SPSB1: variants seen among roughly 807,000 people sequenced by gnomAD.
SPSB1 encodes the protein SPRY domain-containing SOCS box protein 1.
Under a neutral mutation model 21.2 loss-of-function variants are expected in SPSB1, and 8 were observed. The ratio of observed to expected loss-of-function variants is 0.38; its 90% CI spans 0.22 to 0.68. The LOEUF (loss-of-function observed/expected upper bound fraction) is 0.68. Among genes scored for constraint, SPSB1 ranks in the 30% least tolerant of loss-of-function variants. The pLI, the probability that SPSB1 is intolerant of heterozygous loss-of-function variation, is 0.53. For synonymous variants in SPSB1, 169 were observed against 161.7 expected (o/e 1.05, Z -0.34); for missense variants, 242 against 377.8 (o/e 0.64, Z 2.98).
At chr1:9,339,055 C>T (rs1173703827) in intron 1 of SPSB1, among the ~76,000 whole-genome samples, 1 of 152,164 alleles carries the variant, frequency 6.6e-6, no homozygotes, top group Non-Finnish European at 1.5e-5. Flanking sequence ...AACCAAGGGC[C>T]GCTTCCCCTT....
chr1:9,300,203 G>A (rs2100460080), intron 1 of SPSB1, among the ~76,000 whole-genome samples: 1 of 152,274 alleles, frequency 6.6e-6, no homozygotes, highest in East Asian at 1.9e-4. Context: ...AGAATAAGTT[G>A]TTACAGCTTT....
intron 1 of SPSB1, among the ~76,000 whole-genome samples, chr1:9,354,001 G>A (rs770780832): frequency 2.6e-5 from 4 of 151,972 alleles, no homozygotes; most frequent in African/African-American, 4.8e-5. Flanking sequence ...TAAGGGGGTC[G>A]GGGCACCAAG....
rs534825266 is a variant in SPSB1, at chr1:9,346,895, C to T, written c.-149-8848C>T. ...GAGAGAGACAGCCGCCCCATTTTTA[C>T]GGGGCTAATTAAAATCTGTAATTTT... On this transcript the variant is annotated intron_variant, in intron 1 of 2. Transcript: ENST00000328089. The surrounding 1 kb of genome is among the most constrained non-coding windows in gnomAD (Gnocchi z 4.4). Among the ~76,000 whole-genome samples the T allele has an allele frequency of 6.6e-5, 10 of 152,332 alleles. No individual in the cohort carries two copies. The highest frequency in any genetic ancestry group is 4.1e-4 in the South Asian group (2 of 4,828).
chr1:9,358,418 G>A (rs1640412256), intron 2 of SPSB1, among the ~76,000 whole-genome samples: 1 of 152,172 alleles, frequency 6.6e-6, no homozygotes, highest in East Asian at 1.9e-4. Flanking sequence ...CCTCCCCGGG[G>A]AAGTCACCTC....
Position 9,368,341 on chromosome 1 carries a change from G to A in SPSB1, c.*766G>A, listed in dbSNP as rs576524369. 2.0e-5 allele frequency: 3 copies of A among 152,348 alleles called. No individual in the cohort carries two copies. Among genetic ancestry groups the A allele is most frequent in the African/African-American group, 4.8e-5 (2 of 41,538 alleles). The allele number at this position is 152,348 out of a possible 1,614,324, so 9.4% of individuals were successfully genotyped here. A position where few individuals can be genotyped will look rare whatever the true frequency, so the allele number is the denominator to read the frequency against. ...GCCCTCCCTGGGCACATGTGCACAC[G>A]TGCCCAGGCACAAGTATGTCTCTGG... On this transcript the variant is annotated 3_prime_UTR_variant, in exon 3 of 3. Coordinates refer to ENST00000328089, the MANE Select transcript of SPSB1 (RefSeq NM_025106.4).
At position 9,324,384 on chromosome 1, in the gene SPSB1, C is replaced by T. The variant is rs1408419412; in HGVS notation, c.-150+31313C>T. On this transcript the variant is annotated intron_variant, in intron 1 of 2. Coordinates refer to ENST00000328089, the MANE Select transcript of SPSB1 (RefSeq NM_025106.4). This position sits in a 1 kb window ranked among gnomAD's most constrained non-coding sequence, Gnocchi z 4.3. ...TCTGCTGCGATCCTGTGGCTCAGCACGTGGTAGGTCCTCAGTGAGGCTGTG... is the reference window on the plus strand; with the variant it reads ...TCTGCTGCGATCCTGTGGCTCAGCATGTGGTAGGTCCTCAGTGAGGCTGTG... Among the ~76,000 whole-genome samples, 1 of 152,116 alleles carries T rather than the reference C, an allele frequency of 6.6e-6. No homozygotes were observed. Among genetic ancestry groups the T allele is most frequent in the Non-Finnish European group, 1.5e-5 (1 of 68,026 alleles).
chr1:9,367,968 T>G lies in SPSB1; in HGVS notation c.*393T>G. Reference sequence around the variant, plus strand: ...CCAGGGTGGTGGGGGTGGCAGGTGGTACCACAGCTCTGAGAGCAGATACCA... The same window carrying G: ...CCAGGGTGGTGGGGGTGGCAGGTGGGACCACAGCTCTGAGAGCAGATACCA... On this transcript the variant is annotated 3_prime_UTR_variant, in exon 3 of 3. Coordinates refer to ENST00000328089, the MANE Select transcript of SPSB1 (RefSeq NM_025106.4). The surrounding 1 kb of genome is among the most constrained non-coding windows in gnomAD (Gnocchi z 5.9). 5.0e-6 allele frequency: 1 copy of G among 199,036 alleles called. No homozygotes were observed. Among genetic ancestry groups the G allele is most frequent in the Non-Finnish European group, 1.0e-5 (1 of 95,880 alleles). 12.3% of individuals were successfully genotyped at this position (199,036 alleles called of 1,614,324 possible). A position where few individuals can be genotyped will look rare whatever the true frequency, so the allele number is the denominator to read the frequency against.
chr1:9,366,557 G>A, intron 2 of SPSB1, among the ~76,000 whole-genome samples: 1 of 150,822 alleles, frequency 6.6e-6, no homozygotes, highest in East Asian at 2.0e-4. Context: ...TGTCCCCTCT[G>A]TGCCTGTGTG....
chr1:9,337,896 C>T (rs759675202), intron 1 of SPSB1, among the ~76,000 whole-genome samples: 7 of 152,016 alleles, frequency 4.6e-5, no homozygotes, highest in Non-Finnish European at 7.4e-5. Context: ...CCTTTAGGGG[C>T]GGGAGGGGTA....
chr1:9,366,285 A>T (rs1217020530), intron 2 of SPSB1, among the ~76,000 whole-genome samples: 1 of 152,132 alleles, frequency 6.6e-6, no homozygotes, highest in Non-Finnish European at 1.5e-5. Flanking sequence ...CTGGGCTGGC[A>T]TTTCCAGTTT....
chr1:9,348,753 G>A lies in SPSB1; in HGVS notation c.-149-6990G>A, dbSNP rs936683014. Among the ~76,000 whole-genome samples the A allele has an allele frequency of 1.3e-5, 2 of 151,886 alleles. No individual in the cohort carries two copies. Among genetic ancestry groups the A allele is most frequent in the East Asian group, 1.9e-4 (1 of 5,172 alleles). On this transcript the variant is annotated intron_variant, in intron 1 of 2. Transcript: ENST00000328089. This position sits in a 1 kb window ranked among gnomAD's most constrained non-coding sequence, Gnocchi z 4.8. ...TGTTCGAAGCTGGCCGAGGGAGTACGGGGCTTTCAGAAGCTCATCTGCTTA... is the reference window on the plus strand; with the variant it reads ...TGTTCGAAGCTGGCCGAGGGAGTACAGGGCTTTCAGAAGCTCATCTGCTTA...
chr1:9,330,121 G>C lies in SPSB1; in HGVS notation c.-149-25622G>C, dbSNP rs190750535. Among the ~76,000 whole-genome samples, 604 of 152,262 alleles carry C rather than the reference G, an allele frequency of 4.0e-3. 14 individuals carry two copies. Among genetic ancestry groups the C allele is most frequent in the Non-Finnish European group, 8.5e-4 (58 of 68,024 alleles). On this transcript the variant is annotated intron_variant, in intron 1 of 2. Transcript: ENST00000328089. ...TCAAAGATCAGTGGCGTAAATAATT[G>C]CTAGGTGCTTGCTCATCGAGAAGAA...
intron 1 of SPSB1, among the ~76,000 whole-genome samples, chr1:9,351,207 A>C (rs538031398): frequency 6.6e-6 from 1 of 152,250 alleles, no homozygotes; most frequent in Non-Finnish European, 1.5e-5. Flanking sequence ...AGTAGTTACT[A>C]TCTGGCCCCT....
At chr1:9,326,734 C>A (rs1463088013) in intron 1 of SPSB1, among the ~76,000 whole-genome samples, 1 of 152,216 alleles carries the variant, frequency 6.6e-6, no homozygotes, top group African/African-American at 2.4e-5. Context: ...CGTCTTCCCT[C>A]CCACTGGCGG....
chr1:9,341,930 G>A (rs1038804671), intron 1 of SPSB1, among the ~76,000 whole-genome samples: 2 of 152,182 alleles, frequency 1.3e-5, no homozygotes, highest in Non-Finnish European at 2.9e-5. Flanking sequence ...TCGAACTCCC[G>A]ACCTCAGGTG....
At chr1:9,299,344 G>A (rs926844390) in intron 1 of SPSB1, among the ~76,000 whole-genome samples, 7 of 152,184 alleles carry the variant, frequency 4.6e-5, no homozygotes, top group South Asian at 2.1e-4. Context: ...CCCTTCCACA[G>A]ATATCATACT....
intron 1 of SPSB1, among the ~76,000 whole-genome samples, chr1:9,300,486 A>G (rs566610687): frequency 7.9e-5 from 12 of 152,380 alleles, no homozygotes; most frequent in Admixed American, 6.5e-4. Context: ...CCTGTAGATG[A>G]ATCGCAGTAC....
intron 1 of SPSB1, among the ~76,000 whole-genome samples, chr1:9,320,212 A>G (rs1308821658): frequency 6.6e-6 from 1 of 152,176 alleles, no homozygotes; most frequent in Non-Finnish European, 1.5e-5. Context: ...TTTGCGGAGC[A>G]CCCACTGTGT....
intron 1 of SPSB1, among the ~76,000 whole-genome samples, chr1:9,297,830 A>C (rs1639251011): frequency 6.6e-6 from 1 of 152,126 alleles, no homozygotes; most frequent in South Asian, 2.1e-4. Flanking sequence ...GCTGGAGTGG[A>C]TTTGTCTCTT....
Sources: gnomAD v4.1 joint callset for allele counts (sites outside exome capture counted in the v4.1 genomes callset) on GRCh38, gnomAD v4.1.1 for gene constraint, Gnocchi (gnomAD v3.1) non-coding constraint, MANE v1.5 for transcripts, NCBI Gene and HGNC (gene_info 2026-07-23, HGNC 2026-07-21) for gene names.